Variants in ERC2 observed in about 807,000 individuals in gnomAD.
The protein encoded by ERC2 is ELKS/RAB6-interacting/CAST family member 2.
Under a neutral mutation model 114.8 loss-of-function variants are expected in ERC2, and 42 were observed. The ratio of observed to expected loss-of-function variants is 0.37; its 90% CI spans 0.29 to 0.47. ERC2 has a LOEUF of 0.47. ERC2 is among the 20% of genes least tolerant of loss of function. The pLI, the probability that ERC2 is intolerant of heterozygous loss-of-function variation, is 0.99. For missense variants in ERC2, 939 were observed against 1,150.7 expected, an observed-to-expected ratio of 0.82 and a Z score of 2.66; for synonymous variants, 454 against 425.5, an observed-to-expected ratio of 1.07 and a Z score of -0.82.
chr3:55,945,126 G>A (rs532466121), intron 13 of ERC2, among the ~76,000 whole-genome samples: 1 of 152,180 alleles, frequency 6.6e-6, no homozygotes, highest in African/African-American at 2.4e-5. Context: ...TTAAACAAAT[G>A]TGGATTCTCT....
chr3:55,583,492 T>TCCCTCCCTCCCTCC (rs1559692964), intron 17 of ERC2, among the ~76,000 whole-genome samples: 1 of 12,140 alleles, frequency 8.2e-5, no homozygotes, highest in African/African-American at 4.6e-4. Flanking sequence ...TCCATCCCTC[T>TCCCTCCCTCCCTCC]CTCCTTCCCT....
In ERC2 at chr3:55,579,003, T is replaced by A. The variant is rs116139029; in HGVS notation, c.*40-67727A>T. On this transcript the variant is annotated intron_variant, in intron 17 of 17. Transcript: ENST00000288221. ...AGCTCTTGAGGCTTAGGCTGGGAAG[T>A]GGCGTACTGTCATTTCTACTACATT... Among the ~76,000 whole-genome samples the A allele has an allele frequency of 7.2e-4, 110 of 152,250 alleles. 1 individual carries two copies. In the Middle Eastern group the frequency reaches 0.017, roughly 24 times the overall value.
chr3:55,733,529 CTT>C (rs879803665), intron 15 of ERC2, among the ~76,000 whole-genome samples: 16,199 of 57,444 alleles, frequency 0.28, 1,340 homozygotes, highest in South Asian at 0.44. Flanking sequence ...GTCTCTCATT[CTT>C]TCTCTCTCTC....
At chr3:55,756,318 C>G (rs2067056469) in intron 14 of ERC2, among the ~76,000 whole-genome samples, 1 of 152,016 alleles carries the variant, frequency 6.6e-6, no homozygotes, top group South Asian at 2.1e-4. Flanking sequence ...CTGGGGGTAC[C>G]AGGAAACTTT....
At chr3:55,733,938 C>G (rs1013229513) in intron 15 of ERC2, among the ~76,000 whole-genome samples, 17 of 152,206 alleles carry the variant, frequency 1.1e-4, no homozygotes, top group African/African-American at 4.1e-4. Context: ...TCATAATGAA[C>G]TCGAATCTTA....
At chr3:55,929,961 T>C (rs2065976334) in intron 13 of ERC2, among the ~76,000 whole-genome samples, 2 of 152,192 alleles carry the variant, frequency 1.3e-5, no homozygotes. Context: ...CAGTCTTGGC[T>C]GGACACCATG....
At chr3:56,287,573 G>T (rs901511115) in intron 3 of ERC2, among the ~76,000 whole-genome samples, 3 of 152,112 alleles carry the variant, frequency 2.0e-5, no homozygotes, top group Non-Finnish European at 4.4e-5. Flanking sequence ...GATAAGATGT[G>T]GCAAGAAAAT....
At position 56,205,788 on chromosome 3, in the gene ERC2, A is replaced by G. The variant is rs893450933; in HGVS notation, c.1075-32268T>C. On this transcript the variant is annotated intron_variant, in intron 3 of 17. Transcript: ENST00000288221. ...AAATCCCAAGGTCTGGAGAATCAATAGCTGGTAAGAGAGATGTAGCACTCC... is the reference window on the plus strand; with the variant it reads ...AAATCCCAAGGTCTGGAGAATCAATGGCTGGTAAGAGAGATGTAGCACTCC... 1.6e-4 allele frequency among the ~76,000 whole-genome samples: 25 copies of G among 152,224 alleles called. 1 individual carries two copies. The highest frequency in any genetic ancestry group is 7.3e-5 in the Non-Finnish European group (5 of 68,040).
intron 14 of ERC2, among the ~76,000 whole-genome samples, chr3:55,843,002 G>A (rs1167193388): frequency 3.3e-5 from 5 of 152,142 alleles, no homozygotes; most frequent in Non-Finnish European, 5.9e-5. Flanking sequence ...ACCCACATAG[G>A]ACTGCTGGTT....
At chr3:56,373,883 T>C (rs2059441306) in intron 2 of ERC2, among the ~76,000 whole-genome samples, 1 of 152,166 alleles carries the variant, frequency 6.6e-6, no homozygotes, top group Non-Finnish European at 1.5e-5. Context: ...CTTTTGTGGG[T>C]TTTTTTAAAC....
intron 16 of ERC2, among the ~76,000 whole-genome samples, chr3:55,693,271 C>T (rs1228246394): frequency 1.3e-5 from 2 of 152,210 alleles, no homozygotes; most frequent in Admixed American, 1.3e-4. Context: ...CTAGCTTCTA[C>T]CACAGAAAAG....
intron 13 of ERC2, among the ~76,000 whole-genome samples, chr3:55,919,055 T>C (rs550663324): frequency 1.3e-5 from 2 of 152,222 alleles, no homozygotes; most frequent in East Asian, 1.9e-4. Flanking sequence ...ATAACTAATA[T>C]GGCAACCATT....
chr3:56,138,473 C>T (rs552475004), intron 6 of ERC2, among the ~76,000 whole-genome samples: 2 of 152,298 alleles, frequency 1.3e-5, no homozygotes, highest in East Asian at 1.9e-4. Flanking sequence ...GGTATAGGGG[C>T]TGAGTCAGGT....
chr3:56,160,733 GA>G (rs1456164145), intron 4 of ERC2, among the ~76,000 whole-genome samples: 8 of 152,224 alleles, frequency 5.3e-5, no homozygotes, highest in African/African-American at 1.9e-4. Flanking sequence ...TATTAAATAG[GA>G]AGTTGTTTCC....
intron 2 of ERC2, among the ~76,000 whole-genome samples, chr3:56,383,638 A>G (rs1462599683): frequency 6.6e-6 from 1 of 151,820 alleles, no homozygotes; most frequent in Non-Finnish European, 1.5e-5. Flanking sequence ...TAGGGATTTA[A>G]TCTCATCCCT....
intron 17 of ERC2, among the ~76,000 whole-genome samples, chr3:55,569,408 C>T (rs955735942): frequency 6.6e-6 from 1 of 152,016 alleles, no homozygotes; most frequent in African/African-American, 2.4e-5. Flanking sequence ...GTCCCTATGC[C>T]GAAGGGGCAG....
chr3:56,084,542 T>C (rs182398077), intron 6 of ERC2, among the ~76,000 whole-genome samples: 148 of 152,282 alleles, frequency 9.7e-4, no homozygotes, highest in Non-Finnish European at 1.6e-3. Flanking sequence ...AAATAATGTC[T>C]TCTGCAGCAA....
intron 16 of ERC2, among the ~76,000 whole-genome samples, chr3:55,685,622 A>G (rs1175195877): frequency 6.6e-6 from 1 of 152,144 alleles, no homozygotes; most frequent in African/African-American, 2.4e-5. Context: ...CAACCCCTTG[A>G]AATTCAATGA....
intron 13 of ERC2, among the ~76,000 whole-genome samples, chr3:55,928,589 T>C (rs2065887786): frequency 6.6e-6 from 1 of 152,176 alleles, no homozygotes; most frequent in Non-Finnish European, 1.5e-5. Context: ...TTGTTTCCCT[T>C]GTGTGTAGAA....
Sources: gnomAD v4.1 joint callset for allele counts (sites outside exome capture counted in the v4.1 genomes callset) on GRCh38, gnomAD v4.1.1 for gene constraint, MANE v1.5 for transcripts, NCBI Gene and HGNC (gene_info 2026-07-23, HGNC 2026-07-21) for gene names.